The following LRMDA variants were observed in gnomAD, a reference collection of about 807,000 sequenced individuals.
The protein encoded by LRMDA is leucine-rich melanocyte differentiation-associated protein.
In LRMDA, 18 loss-of-function variants were observed where a neutral mutation model predicts 29.8. That is an observed-to-expected ratio of 0.60 (90% confidence interval 0.42 to 0.90). LRMDA has a LOEUF of 0.90. LRMDA is among the 40% of genes least tolerant of loss of function. LRMDA has a pLI of 0.00. For synonymous variants in LRMDA, 125 were observed against 109.4 expected (o/e 1.14, Z -0.89); for missense variants, 273 against 273.9 (o/e 1.00, Z 0.02).
rs1401269091 is a variant in LRMDA at position 75,899,789 on chromosome 10, CAGG to C, written c.132-136216_132-136214del. On this transcript the variant is annotated intron_variant, in intron 2 of 6. Transcript: ENST00000611255. ...GTTCTGCAGGGATGAGGACAGAGCC[CAGG>C]AGAACTGTCTTTGGTTTCACCTTCC... Among the ~76,000 whole-genome samples the C allele has an allele frequency of 2.6e-5, 4 of 152,272 alleles. No individual in the cohort carries two copies. In the East Asian group the frequency reaches 7.7e-4, roughly 29 times the overall value.
intron 5 of LRMDA, among the ~76,000 whole-genome samples, chr10:76,322,742 CT>C (rs1011828635): frequency 4.0e-5 from 6 of 151,858 alleles, no homozygotes; most frequent in East Asian, 1.9e-4. Context: ...ATTTTTGGGT[CT>C]TTTTTTTAGC....
At chr10:76,459,873 C>T (rs952285758) in intron 6 of LRMDA, among the ~76,000 whole-genome samples, 4 of 152,014 alleles carry the variant, frequency 2.6e-5, no homozygotes, top group African/African-American at 9.7e-5. Flanking sequence ...AAGGCTCAAC[C>T]CACAATTGTC....
rs145619602 is a variant in LRMDA at position 75,490,244 on chromosome 10, G to A, written c.131+51750G>A. On this transcript the variant is annotated intron_variant, in intron 2 of 6. Coordinates refer to ENST00000611255, the MANE Select transcript of LRMDA (RefSeq NM_001305581.2). Reference sequence around the variant, plus strand: ...CTGAACACATATAATTAACTAAATAGAGGTGTTCCCTGATGGGCACTTAAT... The same window carrying A: ...CTGAACACATATAATTAACTAAATAAAGGTGTTCCCTGATGGGCACTTAAT... Among the ~76,000 whole-genome samples the A allele has an allele frequency of 3.3e-5, 5 of 152,206 alleles. No individual in the cohort carries two copies. The East Asian group carries it at 9.6e-4, about 29-fold the overall frequency.
chr10:76,250,974 C>T (rs1249896555), intron 5 of LRMDA, among the ~76,000 whole-genome samples: 3 of 152,136 alleles, frequency 2.0e-5, no homozygotes, highest in Non-Finnish European at 2.9e-5. Context: ...CTCCTTTGAA[C>T]AGTTCTTGTA....
chr10:75,545,066 C>G (rs1840062249), intron 2 of LRMDA, among the ~76,000 whole-genome samples: 1 of 152,050 alleles, frequency 6.6e-6, no homozygotes, highest in Admixed American at 6.6e-5. Flanking sequence ...AGGCATTCTC[C>G]CCCACTCTTT....
intron 2 of LRMDA, among the ~76,000 whole-genome samples, chr10:75,775,500 A>G (rs1020252081): frequency 6.6e-6 from 1 of 152,242 alleles, no homozygotes; most frequent in African/African-American, 2.4e-5. Context: ...TTGTATCCTC[A>G]GGTATTGGAA....
chr10:75,493,348 G>GGTGT (rs3220724), intron 2 of LRMDA, among the ~76,000 whole-genome samples: 23,468 of 132,904 alleles, frequency 0.18, 2,252 homozygotes, highest in Non-Finnish European at 0.19. Flanking sequence ...GTTGAGATTG[G>GGTGT]GTGTGTGTGT....
At chr10:76,287,197 GCTT>G (rs3066427) in intron 5 of LRMDA, among the ~76,000 whole-genome samples, 62,358 of 151,532 alleles carry the variant, frequency 0.41, 13,154 homozygotes, top group South Asian at 0.55. Context: ...TCTGGTTGTG[GCTT>G]CTTCTTTATT....
chr10:76,076,450 A>G (rs2132074665), intron 5 of LRMDA, among the ~76,000 whole-genome samples: 1 of 146,812 alleles, frequency 6.8e-6, no homozygotes, highest in African/African-American at 2.5e-5. Context: ...TTTTGTAATT[A>G]TTTTCATGTA....
chr10:76,035,860 A>G (rs900409009), intron 2 of LRMDA, 148 bp from the exon 3 acceptor site: 29 of 632,474 alleles, frequency 4.6e-5, no homozygotes, highest in East Asian at 2.8e-4. Context: ...GACTCCTGCT[A>G]CTAATTCTTG....
chr10:76,125,299 G>A (rs1290786872), intron 5 of LRMDA, among the ~76,000 whole-genome samples: 2 of 152,096 alleles, frequency 1.3e-5, no homozygotes, highest in African/African-American at 4.8e-5. Flanking sequence ...CTTGCGTTCG[G>A]CTGTGTTGTG....
chr10:76,444,173 G>C (rs1842330646), intron 6 of LRMDA, among the ~76,000 whole-genome samples: 1 of 152,156 alleles, frequency 6.6e-6, no homozygotes, highest in South Asian at 2.1e-4. Flanking sequence ...GGGAGTTGAG[G>C]GGTGCGGTTT....
chr10:75,767,511 G>A (rs2132232327), intron 2 of LRMDA, among the ~76,000 whole-genome samples: 1 of 152,222 alleles, frequency 6.6e-6, no homozygotes, highest in African/African-American at 2.4e-5. Context: ...TAACCTTTCT[G>A]ATTTTTTTCC....
intron 5 of LRMDA, among the ~76,000 whole-genome samples, chr10:76,136,873 G>A (rs1429338869): frequency 6.6e-6 from 1 of 152,200 alleles, no homozygotes; most frequent in African/African-American, 2.4e-5. Flanking sequence ...GCACGTCCAT[G>A]TGGGTAATGT....
intron 5 of LRMDA, among the ~76,000 whole-genome samples, chr10:76,236,324 A>C (rs1041924369): frequency 6.6e-6 from 1 of 152,200 alleles, no homozygotes; most frequent in Non-Finnish European, 1.5e-5. Flanking sequence ...CATTGTTCCT[A>C]TAGACAGGAT....
At chr10:76,207,041 C>T (rs796895718) in intron 5 of LRMDA, among the ~76,000 whole-genome samples, 5 of 152,300 alleles carry the variant, frequency 3.3e-5, no homozygotes, top group African/African-American at 1.2e-4. Flanking sequence ...AAGTAATTTG[C>T]TCACAGCAAG....
chr10:75,627,845 T>C (rs1841271308), intron 2 of LRMDA, among the ~76,000 whole-genome samples: 1 of 152,236 alleles, frequency 6.6e-6, no homozygotes, highest in Non-Finnish European at 1.5e-5. Context: ...ACTCTTCATG[T>C]AGTAACAGTA....
intron 2 of LRMDA, among the ~76,000 whole-genome samples, chr10:75,757,647 G>A (rs1040794161): frequency 2.0e-4 from 30 of 152,234 alleles, no homozygotes; most frequent in African/African-American, 6.0e-4. Flanking sequence ...CTGCTTTGAG[G>A]ATTCACTGAG....
intron 2 of LRMDA, among the ~76,000 whole-genome samples, chr10:75,837,777 AGGCTCCTT>A (rs1844466632): frequency 6.6e-6 from 1 of 152,048 alleles, no homozygotes; most frequent in African/African-American, 2.4e-5. Flanking sequence ...AAAAATTCCA[AGGCTCCTT>A]GGTGTGGACC....
Sources: gnomAD v4.1 joint callset for allele counts (sites outside exome capture counted in the v4.1 genomes callset) on GRCh38, gnomAD v4.1.1 for gene constraint, MANE v1.5 for transcripts, NCBI Gene and HGNC (gene_info 2026-07-23, HGNC 2026-07-21) for gene names.